Variants in HYLS1 observed in about 807,000 individuals in gnomAD.
The protein encoded by HYLS1 is HYLS1 centriolar and ciliogenesis associated.
HYLS1 carries 25 observed loss-of-function variants against 29.4 expected under a neutral mutation model. That is an observed-to-expected ratio of 0.85 (90% CI 0.62 to 1.19). HYLS1 has a LOEUF of 1.19. Ranked by LOEUF, HYLS1 falls within the 50% of genes most tolerant of loss-of-function variation. The probability of loss-of-function intolerance (pLI) is 0.00; values close to 1 mark genes in which losing one functional copy is unlikely to be tolerated. For missense variants in HYLS1, 352 were observed against 365.1 expected, an observed-to-expected ratio of 0.96 and a Z score of 0.29; for synonymous variants, 128 against 126.7, an observed-to-expected ratio of 1.01 and a Z score of -0.07.
chr11:125,888,752 G>A (rs1411735420), intron 1 of HYLS1, among the ~76,000 whole-genome samples: 2 of 121,964 alleles, frequency 1.6e-5, no homozygotes, highest in Non-Finnish European at 3.3e-5. Context: ...CTGGGCGACC[G>A]AGCAAGACTC....
At chr11:125,894,586 GT>G (rs1274217791) in intron 2 of HYLS1, among the ~76,000 whole-genome samples, 1 of 152,118 alleles carries the variant, frequency 6.6e-6, no homozygotes, top group Non-Finnish European at 1.5e-5. Context: ...TTCCAAATTT[GT>G]TAATGGCATT....
chr11:125,893,491 C>T, intron 2 of HYLS1: 1 of 237,894 alleles, frequency 4.2e-6, no homozygotes, highest in Non-Finnish European at 8.0e-6. Flanking sequence ...CAGATACTTG[C>T]AGGATTAGGC....
chr11:125,888,394 AGT>A (rs1313739094), intron 1 of HYLS1: 1 of 152,276 alleles, frequency 6.6e-6, no homozygotes, highest in African/African-American at 2.4e-5. Flanking sequence ...CTGCTGAGAG[AGT>A]GAAGAAATGA....
At chr11:125,893,564 G>A (rs369821352) in intron 2 of HYLS1, 31 of 414,812 alleles carry the variant, frequency 7.5e-5, no homozygotes, top group Non-Finnish European at 1.1e-4. Context: ...TCCATTTTAC[G>A]TTCTTTAATC....
At chr11:125,886,922 A>AAG (rs1275502074), upstream of HYLS1, 1 of 152,094 alleles carries the variant, frequency 6.6e-6, no homozygotes, top group Non-Finnish European at 1.4e-5. Flanking sequence ...TCCGTCTCAA[A>AAG]AAAAAAAAAA....
upstream of HYLS1, among the ~76,000 whole-genome samples, chr11:125,885,943 C>T (rs375612247): frequency 1.3e-4 from 20 of 152,266 alleles, no homozygotes; most frequent in South Asian, 4.1e-4. Flanking sequence ...CAGATGGGAC[C>T]ATCTAGTTGC....
chr11:125,895,244 A>G lies in HYLS1; in HGVS notation c.-26+3772A>G, dbSNP rs545545299. ...CTCACCTATATTGAGGCTTTTGGGG[A>G]TTTTTCTCTATATTCAGCAGCTCAT... On this transcript the variant is annotated intron_variant, in intron 2 of 2. Transcript: ENST00000425380. The G allele has an allele frequency of 2.9e-5, 46 of 1,588,672 alleles. No homozygotes were observed. The East Asian group carries it at 9.6e-4, about 33-fold the overall frequency.
At chr11:125,888,819 T>C (rs571713458) in intron 1 of HYLS1, among the ~76,000 whole-genome samples, 7 of 150,264 alleles carry the variant, frequency 4.7e-5, no homozygotes, top group African/African-American at 1.5e-4. Flanking sequence ...AGAATTCAAG[T>C]AGTACCATAA....
chr11:125,893,061 C>G (rs1054536009), intron 2 of HYLS1, among the ~76,000 whole-genome samples: 1 of 152,224 alleles, frequency 6.6e-6, no homozygotes, highest in African/African-American at 2.4e-5. Context: ...TCTGCAAGAT[C>G]TAGCTTCAAT....
At chr11:125,886,919 CA>C (rs34048608), upstream of HYLS1, 299 of 84,748 alleles carry the variant, frequency 3.5e-3, no homozygotes, top group Non-Finnish European at 5.0e-3. Flanking sequence ...AACTCCGTCT[CA>C]AAAAAAAAAA....
intron 1 of HYLS1, among the ~76,000 whole-genome samples, chr11:125,888,485 C>A (rs1944349691): frequency 6.6e-6 from 1 of 152,166 alleles, no homozygotes; most frequent in South Asian, 2.1e-4. Context: ...AATCAGAATT[C>A]AGGCCGGGCG....
rs769276737 is a variant in HYLS1 at position 125,899,730 on chromosome 11, G to T, written c.362G>T (p.Gly121Val). 5 of 1,614,004 alleles carry T rather than the reference G, an allele frequency of 3.1e-6. No homozygotes were observed. The African/African-American group carries it at 6.7e-5, about 22-fold the overall frequency. Residue 121 changes from glycine (G) to valine (V), a missense_variant, in exon 3 of 3, where the codon GGT becomes GTT. Physicochemically the swap from Gly to Val is moderately radical, Grantham distance 109. Transcript: ENST00000425380. ...DESIISESES[G>V]TENDQDLWDL... is the part of the protein sequence containing the mutation. Reference sequence around the variant, plus strand: ...TCGATTATCAGTGAATCAGAATCTGGTACAGAAAATGATCAGGATCTCTGG... The same window carrying T: ...TCGATTATCAGTGAATCAGAATCTGTTACAGAAAATGATCAGGATCTCTGG...
upstream of HYLS1, among the ~76,000 whole-genome samples, chr11:125,885,685 G>A (rs1006159033): frequency 1.3e-5 from 2 of 152,214 alleles, no homozygotes; most frequent in Non-Finnish European, 2.9e-5. Context: ...CCAACCCCCA[G>A]GCCACGGACA....
intron 2 of HYLS1, among the ~76,000 whole-genome samples, chr11:125,892,594 T>A (rs932193215): frequency 5.3e-5 from 8 of 152,202 alleles, no homozygotes; most frequent in African/African-American, 1.9e-4. Flanking sequence ...TTGAACAGCA[T>A]ATTTATTCAC....
chr11:125,894,282 C>T, intron 2 of HYLS1: 1 of 1,595,346 alleles, frequency 6.3e-7, no homozygotes, highest in East Asian at 2.2e-5. Flanking sequence ...AATTCTACAG[C>T]CATACTAGAG....
At chr11:125,895,976 T>C in intron 2 of HYLS1, 1 of 1,614,232 alleles carries the variant, frequency 6.2e-7, no homozygotes, top group South Asian at 1.1e-5. Context: ...GTCTGCTTTC[T>C]ACTAGTCGAG....
In HYLS1 at chr11:125,900,345, T is replaced by C; in HGVS notation, c.*77T>C. ...ATCTTCCCTTTTAAATAGAAACAACTGTCTTGAGAAGCTCTTCGAAACATT... is the reference window on the plus strand; with the variant it reads ...ATCTTCCCTTTTAAATAGAAACAACCGTCTTGAGAAGCTCTTCGAAACATT... On this transcript the variant is annotated 3_prime_UTR_variant, in exon 3 of 3. Transcript: ENST00000425380. 1 of 1,409,240 alleles carries C rather than the reference T, an allele frequency of 7.1e-7. No homozygotes were observed. The highest frequency in any genetic ancestry group is 1.0e-6 in the Non-Finnish European group (1 of 999,960). The allele number at this position is 1,409,240 out of a possible 1,614,324, so 87.3% of individuals were successfully genotyped here.
chr11:125,891,922 A>T (rs1194511913), intron 2 of HYLS1, among the ~76,000 whole-genome samples: 1 of 152,234 alleles, frequency 6.6e-6, no homozygotes, highest in Middle Eastern at 3.2e-3. Flanking sequence ...ATTATGCAGC[A>T]TTAGTTTATG....
At chr11:125,893,927 C>T (rs771043761) in intron 2 of HYLS1, 27 of 1,613,978 alleles carry the variant, frequency 1.7e-5, no homozygotes, top group African/African-American at 4.0e-5. Flanking sequence ...GTGCTCAATT[C>T]GTCCCCTACG....
Sources: gnomAD v4.1 joint callset for allele counts (sites outside exome capture counted in the v4.1 genomes callset) on GRCh38, gnomAD v4.1.1 for gene constraint, MANE v1.5 for transcripts, NCBI Gene and HGNC (gene_info 2026-07-23, HGNC 2026-07-21) for gene names.